The following CDC42BPB variants were observed in gnomAD, a reference collection of about 807,000 sequenced individuals.
The protein encoded by CDC42BPB is serine/threonine-protein kinase MRCK beta.
A neutral mutation model predicts 214.9 loss-of-function variants in CDC42BPB; 37 were observed. That is an observed-to-expected ratio of 0.17 (90% CI 0.13 to 0.23). The LOEUF (loss-of-function observed/expected upper bound fraction) is 0.23. Ranked by LOEUF, CDC42BPB falls within the 10% of genes least tolerant of loss-of-function variation. The probability of loss-of-function intolerance (pLI) is 1.00; values close to 1 mark genes in which losing one functional copy is unlikely to be tolerated. For missense variants in CDC42BPB, 1,694 were observed against 2,227.0 expected (o/e 0.76, Z 4.82); for synonymous variants, 931 against 884.0 (o/e 1.05, Z -0.94).
At chr14:102,979,265 G>A (rs1893893208) in intron 8 of CDC42BPB, among the ~76,000 whole-genome samples, 1 of 151,088 alleles carries the variant, frequency 6.6e-6, no homozygotes, top group African/African-American at 2.4e-5. Context: ...CCAGGCCGGA[G>A]TGCAGTGGCG....
At chr14:103,042,284 C>G (rs1888043968) in intron 1 of CDC42BPB, among the ~76,000 whole-genome samples, 1 of 152,010 alleles carries the variant, frequency 6.6e-6, no homozygotes, top group African/African-American at 2.4e-5. Context: ...ATACAGAGAA[C>G]TCTTAAAATT....
intron 3 of CDC42BPB, among the ~76,000 whole-genome samples, chr14:103,005,167 CAAA>C (rs59904134): frequency 4.3e-5 from 5 of 117,424 alleles, no homozygotes; most frequent in Non-Finnish European, 8.7e-5. Context: ...GACTCTGTCT[CAAA>C]AAAAAAAAAA....
intron 7 of CDC42BPB, among the ~76,000 whole-genome samples, chr14:102,981,531 A>G (rs950665234): frequency 2.0e-5 from 3 of 152,240 alleles, no homozygotes; most frequent in African/African-American, 4.8e-5. Context: ...CTGTAATCCC[A>G]GCACTTTGGG....
chr14:103,005,807 G>C (rs1316904897), intron 3 of CDC42BPB, among the ~76,000 whole-genome samples: 6 of 152,096 alleles, frequency 3.9e-5, no homozygotes, highest in Admixed American at 1.3e-4. Flanking sequence ...GGATCGCGAG[G>C]TCAGGAGTTC....
chr14:103,044,121 G>GCT (rs2139758295), intron 1 of CDC42BPB, among the ~76,000 whole-genome samples: 1 of 152,260 alleles, frequency 6.6e-6, no homozygotes, highest in South Asian at 2.1e-4. Context: ...TCATTTTAAA[G>GCT]GTACATCAGA....
intron 30 of CDC42BPB, 192 bp from the exon 31 acceptor site, chr14:102,940,516 A>C: frequency 2.1e-6 from 3 of 1,399,312 alleles, no homozygotes; most frequent in East Asian, 2.5e-5. Context: ...AACAAACACA[A>C]TCCAATGTTT....
chr14:102,986,725 T>C, intron 5 of CDC42BPB, 145 bp from the exon 6 acceptor site: 1 of 1,351,486 alleles, frequency 7.4e-7, no homozygotes, highest in Non-Finnish European at 9.5e-7. Flanking sequence ...TGCCTCTGTG[T>C]GACATTCAGC....
Position 102,968,351 on chromosome 14 carries a change from C to T in CDC42BPB, c.2248G>A (p.Glu750Lys), listed in dbSNP as rs367908402. Residue 750 changes from glutamate to lysine, a missense_variant, in exon 16 of 37, where the codon GAG (glutamate) becomes AAG (lysine). This residue lies in a region of CDC42BPB where 462 missense variants were observed against 513.5 expected (regional missense o/e 0.90). Coordinates refer to ENST00000361246, the MANE Select transcript of CDC42BPB (RefSeq NM_006035.4). ...LEKSKRERHN[E>K]MEEAVGTIKD... ...ATTGTACCTACTGCCTCCTCCATCTCGTTATGCCTGCCAAGGTGAGCGAGA... is the reference window on the plus strand; with the variant it reads ...ATTGTACCTACTGCCTCCTCCATCTTGTTATGCCTGCCAAGGTGAGCGAGA... The T allele has an allele frequency of 5.6e-6, 9 of 1,613,884 alleles. No individual in the cohort carries two copies. The highest frequency in any genetic ancestry group is 1.3e-5 in the African/African-American group (1 of 74,894).
At chr14:102,986,044 T>TCTA (rs1274984533) in intron 6 of CDC42BPB, among the ~76,000 whole-genome samples, 3 of 152,158 alleles carry the variant, frequency 2.0e-5, no homozygotes, top group Non-Finnish European at 4.4e-5. Flanking sequence ...TATTTCTAGG[T>TCTA]CTACAACACC....
intron 9 of CDC42BPB, among the ~76,000 whole-genome samples, chr14:102,976,779 C>T (rs1361803372): frequency 1.3e-5 from 2 of 152,216 alleles, no homozygotes; most frequent in Non-Finnish European, 2.9e-5. Context: ...TGGGCTGCTC[C>T]AGCCCTGCGG....
At chr14:102,984,385 A>G (rs1894141168) in intron 6 of CDC42BPB, among the ~76,000 whole-genome samples, 1 of 152,154 alleles carries the variant, frequency 6.6e-6, no homozygotes, top group African/African-American at 2.4e-5. Context: ...GGGGGTACTA[A>G]GGCTGCTCAC....
chr14:102,938,879 T>C (rs1891759414), intron 34 of CDC42BPB, among the ~76,000 whole-genome samples: 1 of 151,958 alleles, frequency 6.6e-6, no homozygotes, highest in Non-Finnish European at 1.5e-5. Flanking sequence ...CCACTCACTG[T>C]GGCCTCCCAA....
At chr14:103,003,073 G>A (rs1391708186) in intron 4 of CDC42BPB, among the ~76,000 whole-genome samples, 1 of 152,094 alleles carries the variant, frequency 6.6e-6, no homozygotes, top group Non-Finnish European at 1.5e-5. Context: ...GAAGCCTCGG[G>A]TCCCTGCTCT....
intron 5 of CDC42BPB, chr14:102,986,868 A>G (rs1452436567): frequency 1.2e-5 from 3 of 258,398 alleles, no homozygotes; most frequent in Admixed American, 6.5e-5. Context: ...CCTTGGTGCC[A>G]GGCACTGCTC....
At chr14:102,940,424 G>A in intron 30 of CDC42BPB, 100 bp from the exon 31 acceptor site, 2 of 1,530,810 alleles carry the variant, frequency 1.3e-6, no homozygotes, top group Admixed American at 4.0e-5. Flanking sequence ...AAGTGCAGAG[G>A]CGGCAGCACT....
intron 36 of CDC42BPB, among the ~76,000 whole-genome samples, chr14:102,935,589 A>C (rs1423771509): frequency 6.6e-6 from 1 of 152,082 alleles, no homozygotes; most frequent in East Asian, 1.9e-4. Context: ...CAGGAGTTTG[A>C]GACCAGTCTG....
At chr14:102,985,137 G>C (rs1384085093) in intron 6 of CDC42BPB, among the ~76,000 whole-genome samples, 1 of 151,524 alleles carries the variant, frequency 6.6e-6, no homozygotes, top group Admixed American at 6.6e-5. Flanking sequence ...ACCGTGACAG[G>C]GTGGTGTGGA....
chr14:102,993,482 A>G (rs1234884583), intron 5 of CDC42BPB, among the ~76,000 whole-genome samples: 1 of 152,058 alleles, frequency 6.6e-6, no homozygotes, highest in Non-Finnish European at 1.5e-5. Context: ...TTTCTCATGA[A>G]AAAAGAGTGA....
intron 34 of CDC42BPB, among the ~76,000 whole-genome samples, chr14:102,939,231 G>A (rs993517437): frequency 2.6e-5 from 4 of 152,118 alleles, no homozygotes; most frequent in Non-Finnish European, 4.4e-5. Context: ...GAGCCACCAC[G>A]CCCAGCCAAA....
Sources: allele counts gnomAD v4.1 joint callset (sites outside exome capture counted in the v4.1 genomes callset), GRCh38; gene constraint gnomAD v4.1.1; regional missense constraint gnomAD v4.1.1; transcripts MANE v1.5; gene names NCBI Gene and HGNC (gene_info 2026-07-23, HGNC 2026-07-21).